Variants in RRP12 observed in about 807,000 individuals in gnomAD.
The protein encoded by RRP12 is RRP12-like protein.
In RRP12, 78 loss-of-function variants were observed where a neutral mutation model predicts 157.3. That is an observed-to-expected ratio of 0.50 (90% confidence interval 0.41 to 0.60). The LOEUF (loss-of-function observed/expected upper bound fraction) is 0.60. Ranked by LOEUF, RRP12 falls within the 20% of genes least tolerant of loss-of-function variation. The probability of loss-of-function intolerance (pLI) is 0.00; values close to 1 mark genes in which losing one functional copy is unlikely to be tolerated. For missense variants in RRP12, 1,521 were observed against 1,679.9 expected (o/e 0.91, Z 1.65); for synonymous variants, 726 against 670.9 (o/e 1.08, Z -1.27).
At chr10:97,356,417 T>C (rs1036383511), downstream of RRP12, 2 of 152,234 alleles carry the variant, frequency 1.3e-5, no homozygotes, top group African/African-American at 4.8e-5. Context: ...GTTGAATCAA[T>C]GAACAAAGAT....
chr10:97,359,638 A>G (rs541274116), intron 31 of RRP12, among the ~76,000 whole-genome samples: 1 of 152,326 alleles, frequency 6.6e-6, no homozygotes, highest in South Asian at 2.1e-4. Flanking sequence ...GAGACGACCA[A>G]CACGAACCAC....
At chr10:97,370,422 CAG>C (rs1266479803) in intron 23 of RRP12, 31 bp downstream of exon 23, 1 of 1,507,034 alleles carries the variant, frequency 6.6e-7, no homozygotes, top group Non-Finnish European at 9.1e-7. Context: ...AGTCTATGAG[CAG>C]AGTGTCCACC....
chr10:97,391,263 T>C (rs1477129079), intron 4 of RRP12, among the ~76,000 whole-genome samples: 2 of 152,208 alleles, frequency 1.3e-5, no homozygotes, highest in Non-Finnish European at 2.9e-5. Context: ...TATACAAGTA[T>C]CTTTTAAATT....
intron 2 of RRP12, among the ~76,000 whole-genome samples, chr10:97,398,210 G>C (rs1358575461): frequency 1.1e-5 from 1 of 94,340 alleles, no homozygotes; most frequent in African/African-American, 5.1e-5. Flanking sequence ...GCCCGCCACC[G>C]CGCCCGGCTA....
chr10:97,359,033 T>C (rs1248488473), intron 31 of RRP12, 23 bp from the exon 32 acceptor site: 4 of 1,607,280 alleles, frequency 2.5e-6, no homozygotes, highest in Admixed American at 3.4e-5. Flanking sequence ...CACAGGACCA[T>C]GAGTCAGGCA....
rs1170498082 is a variant in RRP12 at position 97,364,227 on chromosome 10, C to T, written c.3518-324G>A. 3.3e-5 allele frequency among the ~76,000 whole-genome samples: 5 copies of T among 152,154 alleles called. No homozygotes were observed. The South Asian group carries it at 1.0e-3, about 32-fold the overall frequency. Reference sequence around the variant, plus strand: ...TCTGTTTGAGATTTGAAGAAAGCCCCAGGTTTCCGGGGGAGTCAGGCGCTC... The same window carrying T: ...TCTGTTTGAGATTTGAAGAAAGCCCTAGGTTTCCGGGGGAGTCAGGCGCTC... On this transcript the variant is annotated intron_variant, in intron 29 of 33. Transcript: ENST00000370992.
Position 97,380,799 on chromosome 10 carries a change from C to A in RRP12, c.1533G>T (p.Lys511Asn). The A allele has an allele frequency of 1.9e-6, 3 of 1,611,612 alleles. No individual in the cohort carries two copies. The highest frequency in any genetic ancestry group is 8.5e-7 in the Non-Finnish European group (1 of 1,177,630). ...CGRQAHPVMR[K>N]CLQSLCDLRL... ...CTGGCCCCAGCCGCTCCCCACTCAC[C>A]TTCCTCATCACAGGGTGGGCCTGTC... Residue 511 changes from lysine (K) to asparagine (N), a missense_variant and splice_region_variant, in exon 13 of 34, where the codon AAG becomes AAT. Coordinates refer to ENST00000370992, the MANE Select transcript of RRP12 (RefSeq NM_015179.4).
At chr10:97,393,640 C>T in intron 4 of RRP12, 44 bp downstream of exon 4, 1 of 1,436,990 alleles carries the variant, frequency 7.0e-7, no homozygotes, top group Non-Finnish European at 9.8e-7. Context: ...TCCCTTCTCC[C>T]CTCCACAAAA....
At position 97,369,519 on chromosome 10, in the gene RRP12, C is replaced by T. The variant is rs763234147; in HGVS notation, c.2861G>A (p.Arg954His). 1.0e-5 allele frequency: 16 copies of T among 1,599,250 alleles called. No homozygotes were observed. Among genetic ancestry groups the T allele is most frequent in the Admixed American group, 1.7e-5 (1 of 57,506 alleles). ...TGCAGACTTGACCACGTCACGGGTG[C>T]GGGAGGCCAGAAGCAGGCACACATT... Reference protein sequence around the residue: ...LENVCLLLASRTRDVVKSALG... With the variant: ...LENVCLLLASHTRDVVKSALG... Residue 954 changes from arginine (R) to histidine (H), a missense_variant, in exon 25 of 34, where the codon CGC (arginine) becomes CAC (histidine). Arg to His is a conservative substitution (Grantham distance 29). Transcript: ENST00000370992.
chr10:97,367,081 T>G lies in RRP12; in HGVS notation c.3007A>C (p.Lys1003Gln). ...AACTTGGTGAACAGGTTCCGAAGCT[T>G]CATGCGGAAGTGCCGCCGCATGTCA... ...SDDMRRHFRMKLRNLFTKFIR... is the reference protein window; with the variant it reads ...SDDMRRHFRMQLRNLFTKFIR... Residue 1003 changes from lysine to glutamine, a missense_variant, in exon 26 of 34, where the codon AAG (lysine) becomes CAG (glutamine). Lys to Gln is a moderately conservative substitution (Grantham distance 53). Coordinates refer to ENST00000370992, the MANE Select transcript of RRP12 (RefSeq NM_015179.4). 6.2e-7 allele frequency: 1 copy of G among 1,614,208 alleles called. No individual in the cohort carries two copies. Among genetic ancestry groups the G allele is most frequent in the Non-Finnish European group, 8.5e-7 (1 of 1,180,030 alleles).
At chr10:97,381,864 G>A in intron 10 of RRP12, 38 bp from the exon 11 acceptor site, 2 of 1,526,182 alleles carry the variant, frequency 1.3e-6, no homozygotes, top group Non-Finnish European at 1.8e-6. Flanking sequence ...CCTGGCCTGA[G>A]CCCTGGGGAC....
chr10:97,372,237 G>A (rs1474861110), intron 19 of RRP12, 71 bp from the exon 20 acceptor site: 9 of 1,198,400 alleles, frequency 7.5e-6, no homozygotes, highest in Admixed American at 5.8e-5. Flanking sequence ...GTGTTCTTAC[G>A]TCTACTGGGT....
intron 3 of RRP12, among the ~76,000 whole-genome samples, chr10:97,394,402 T>C (rs1167509729): frequency 6.6e-6 from 1 of 152,110 alleles, no homozygotes; most frequent in African/African-American, 2.4e-5. Flanking sequence ...CAGAGATAGA[T>C]AGATAGTTTT....
At chr10:97,367,453 C>G (rs1218922642) in intron 25 of RRP12, 2 of 385,844 alleles carry the variant, frequency 5.2e-6, no homozygotes, top group Non-Finnish European at 9.6e-6. Flanking sequence ...GCTATCACCC[C>G]CTATTTATAG....
At chr10:97,382,215 A>T (rs577778465) in intron 10 of RRP12, among the ~76,000 whole-genome samples, 1 of 152,196 alleles carries the variant, frequency 6.6e-6, no homozygotes, top group African/African-American at 2.4e-5. Context: ...GTACAATCAT[A>T]GCTCACGGAG....
Position 97,366,552 on chromosome 10 carries a change from C to T in RRP12, c.3285G>A (p.Lys1095=). 1 of 1,614,160 alleles carries T rather than the reference C, an allele frequency of 6.2e-7. No individual in the cohort carries two copies. The highest frequency in any genetic ancestry group is 8.5e-7 in the Non-Finnish European group (1 of 1,180,048). ...DNEEEERSRG[K]EQRKLARQRS... Reference sequence around the variant, plus strand: ...TCTGTCGTGCCAGCTTCCGCTGCTCCTTGCCTCGGCTTCTTTCCTCCTCCT... The same window carrying T: ...TCTGTCGTGCCAGCTTCCGCTGCTCTTTGCCTCGGCTTCTTTCCTCCTCCT... The change falls in exon 28 of 34, where the codon AAG becomes AAA. Residue 1095 remains lysine, a synonymous_variant. Transcript: ENST00000370992.
At chr10:97,378,734 G>C (rs1844378478) in intron 15 of RRP12, among the ~76,000 whole-genome samples, 1 of 152,086 alleles carries the variant, frequency 6.6e-6, no homozygotes, top group South Asian at 2.1e-4. Flanking sequence ...GTGGGTGCCT[G>C]GAGTCCCAGC....
chr10:97,372,176 G>T lies in RRP12; in HGVS notation c.2250-10C>A. 6.2e-7 allele frequency: 1 copy of T among 1,610,560 alleles called. No individual in the cohort carries two copies. ...GTCCAGGACAGACAATCTGCTCGGG[G>T]CAGGAGGACAAGGAGAGGGATGGGG... On this transcript the variant is annotated splice_polypyrimidine_tract_variant and intron_variant, in intron 19 of 33. Transcript: ENST00000370992.
rs954322518 is a variant in RRP12 at position 97,394,308 on chromosome 10, A to G, written c.454-548T>C. 3.9e-5 allele frequency among the ~76,000 whole-genome samples: 6 copies of G among 152,166 alleles called. No individual in the cohort carries two copies. In the East Asian group the frequency reaches 7.7e-4, roughly 20 times the overall value. On this transcript the variant is annotated intron_variant, in intron 3 of 33. Transcript: ENST00000370992. The stretch of plus-strand genomic sequence containing the variant: ...CAATGAGCTGAGATCGTGCCACTGC[A>G]CTCCAGTCTGGGTGACAGAGTGAGA...
Sources: allele counts gnomAD v4.1 joint callset (sites outside exome capture counted in the v4.1 genomes callset), GRCh38; gene constraint gnomAD v4.1.1; transcripts MANE v1.5; gene names NCBI Gene and HGNC (gene_info 2026-07-23, HGNC 2026-07-21).